The following STK36 variants were observed in gnomAD, a reference collection of about 807,000 sequenced individuals.
STK36 encodes serine/threonine kinase 36, also known as serine/threonine-protein kinase 36.
Under a neutral mutation model 142.2 loss-of-function variants are expected in STK36, and 116 were observed. That is an observed-to-expected ratio of 0.82 (90% confidence interval 0.70 to 0.95). STK36 has a LOEUF of 0.95. Ranked by LOEUF, STK36 falls within the 40% of genes least tolerant of loss-of-function variation. The pLI is 0.00. For missense variants in STK36, 1,422 were observed against 1,617.2 expected (o/e 0.88, Z 2.07); for synonymous variants, 619 against 641.7 (o/e 0.96, Z 0.53).
Position 218,679,935 on chromosome 2 carries a change from A to C in STK36, c.991A>C (p.Thr331Pro), listed in dbSNP as rs199608845. Residue 331 changes from threonine to proline, a missense_variant, in exon 9 of 27, where the codon ACC (threonine) becomes CCC (proline). Thr to Pro is a conservative substitution (Grantham distance 38). Transcript: ENST00000295709. ...TGPALEQEDK[T>P]SKVAPGTAPL... is the part of the protein sequence containing the mutation. ...ACCTGCCCTTGAGCAAGAGGACAAG[A>C]CCAGCAAGGTGGCTCCTGGCACAGC... 7.4e-5 allele frequency: 120 copies of C among 1,614,058 alleles called. No individual in the cohort carries two copies. Among genetic ancestry groups the C allele is most frequent in the Non-Finnish European group, 9.9e-5 (117 of 1,180,028 alleles).
intron 11 of STK36, 74 bp from the exon 12 acceptor site, chr2:218,688,623 G>T (rs562341604): frequency 6.6e-7 from 1 of 1,507,784 alleles, no homozygotes; most frequent in East Asian, 2.3e-5. Flanking sequence ...CCTTGGGGAT[G>T]CTTGGTATGT....
intron 12 of STK36, 102 bp from the exon 13 acceptor site, chr2:218,689,757 G>T (rs1575135034): frequency 9.8e-7 from 1 of 1,025,434 alleles, no homozygotes; most frequent in South Asian, 1.5e-5. Context: ...CTTTCTGTTT[G>T]ATCAACTTGA....
At chr2:218,690,612 C>T in intron 14 of STK36, 57 bp downstream of exon 14, 4 of 1,366,146 alleles carry the variant, frequency 2.9e-6, no homozygotes, top group Non-Finnish European at 3.1e-6. Flanking sequence ...GTGTTTCTCC[C>T]ATCCCCTTTC....
At position 218,701,896 on chromosome 2, in the gene STK36, C is replaced by CT; in HGVS notation, c.3836dup (p.Ser1280IlefsTer16). 1 of 1,614,168 alleles carries CT rather than the reference C, an allele frequency of 6.2e-7. No homozygotes were observed. The highest frequency in any genetic ancestry group is 1.3e-5 in the African/African-American group (1 of 75,050). On this transcript the variant is annotated frameshift_variant, in exon 27 of 27. Coordinates refer to ENST00000295709, the MANE Select transcript of STK36 (RefSeq NM_015690.5). LOFTEE classifies it high-confidence loss of function. ...GGTGTCCCTGGGTGCCAGTGAGAAA[C>CT]TATCCTTGCTCTCTCTGGGGAATCA...
At chr2:218,678,643 C>T (rs145780436) in intron 6 of STK36, among the ~76,000 whole-genome samples, 67 of 152,310 alleles carry the variant, frequency 4.4e-4, no homozygotes, top group Admixed American at 5.9e-4. Flanking sequence ...GACTGTCTCC[C>T]TATCTCTCCA....
At position 218,675,445 on chromosome 2, in the gene STK36, G is replaced by T. The variant is rs755081647; in HGVS notation, c.406G>T (p.Gly136Cys). ...GCCTCAGAACATCCTCCTCGCCAAG[G>T]GTGGTGGCATCAAGCTCTGTGACTT... ...MKPQNILLAK[G>C]GGIKLCDFGF... The change falls in exon 5 of 27, where the codon GGT (glycine) becomes TGT (cysteine). Residue 136 changes from glycine (G) to cysteine (C), a missense_variant. Coordinates refer to ENST00000295709, the MANE Select transcript of STK36 (RefSeq NM_015690.5). 3.1e-6 allele frequency: 5 copies of T among 1,613,110 alleles called. No individual in the cohort carries two copies. In the South Asian group the frequency reaches 5.5e-5, roughly 18 times the overall value.
chr2:218,689,480 A>C (rs548915822), intron 12 of STK36, among the ~76,000 whole-genome samples: 59 of 152,340 alleles, frequency 3.9e-4, no homozygotes, highest in Non-Finnish European at 7.3e-4. Flanking sequence ...AGCTGGACTG[A>C]GAGGATGGGG....
Position 218,688,397 on chromosome 2 carries a change from G to A in STK36, c.1381-300G>A, listed in dbSNP as rs187987883. On this transcript the variant is annotated intron_variant, in intron 11 of 26. Coordinates refer to ENST00000295709, the MANE Select transcript of STK36 (RefSeq NM_015690.5). The stretch of plus-strand genomic sequence containing the variant: ...CGTGTTTTTTGTTTTTAAGGTGAAG[G>A]GCTGGAGAAGGGAGGGAGCAGATGG... 2,159 of 547,754 alleles carry A rather than the reference G, an allele frequency of 3.9e-3. 16 individuals carry two copies. The highest frequency in any genetic ancestry group is 5.8e-3 in the Non-Finnish European group (1,657 of 286,616). 33.9% of individuals were successfully genotyped at this position (547,754 alleles called of 1,614,324 possible).
chr2:218,699,504 C>T (rs530321180), intron 26 of STK36, among the ~76,000 whole-genome samples, 156 bp downstream of exon 26: 7 of 135,606 alleles, frequency 5.2e-5, no homozygotes, highest in African/African-American at 2.7e-4. Context: ...TTTCTAGTTA[C>T]ATCTCCTGCC....
intron 25 of STK36, 52 bp from the exon 26 acceptor site, chr2:218,698,550 A>G: frequency 1.4e-5 from 22 of 1,567,882 alleles, no homozygotes; most frequent in Non-Finnish European, 1.9e-5. Flanking sequence ...GCTTCTTTAT[A>G]GCTGCATATA....
Position 218,702,102 on chromosome 2 carries a change from A to C in STK36, c.*93A>C. ...GCCAACTCAACTGAGAGCTAAAGAGACTAGAAAAGAGATAAGCTGCCAACT... is the reference window on the plus strand; with the variant it reads ...GCCAACTCAACTGAGAGCTAAAGAGCCTAGAAAAGAGATAAGCTGCCAACT... On this transcript the variant is annotated 3_prime_UTR_variant, in exon 27 of 27. Coordinates refer to ENST00000295709, the MANE Select transcript of STK36 (RefSeq NM_015690.5). 6.8e-7 allele frequency: 1 copy of C among 1,470,986 alleles called. No homozygotes were observed. Among genetic ancestry groups the C allele is most frequent in the Non-Finnish European group, 9.1e-7 (1 of 1,097,660 alleles). The allele number at this position is 1,470,986 out of a possible 1,614,324, so 91.1% of individuals were successfully genotyped here. A position where few individuals can be genotyped will look rare whatever the true frequency, so the allele number is the denominator to read the frequency against.
chr2:218,701,307 A>ATT (rs760265629), intron 26 of STK36, among the ~76,000 whole-genome samples: 4 of 137,080 alleles, frequency 2.9e-5, no homozygotes, highest in African/African-American at 7.8e-5. Context: ...AATTTTTTGT[A>ATT]TTTTTTTTTT....
intron 5 of STK36, 47 bp downstream of exon 5, chr2:218,675,520 CTTTTTTTTTTTT>C: frequency 4.4e-6 from 5 of 1,147,712 alleles, no homozygotes; most frequent in African/African-American, 2.0e-5. Context: ...CACACGGAAT[CTTTTTTTTTTTT>C]TTTTTTTTTG....
chr2:218,696,715 C>T, intron 22 of STK36, 114 bp downstream of exon 22: 1 of 1,167,962 alleles, frequency 8.6e-7, no homozygotes, highest in South Asian at 1.2e-5. Context: ...TCTCAAGCTA[C>T]TGTGCCTGTG....
chr2:218,693,668 CT>C, intron 17 of STK36, 54 bp from the exon 18 acceptor site: 1 of 1,536,420 alleles, frequency 6.5e-7, no homozygotes, highest in Non-Finnish European at 8.9e-7. Context: ...AGCCTTCAAT[CT>C]TGGAGCCCGG....
chr2:218,673,746 G>A lies in STK36; in HGVS notation c.206G>A (p.Ser69Asn), dbSNP rs767714293. Residue 69 changes from serine to asparagine, a missense_variant, in exon 3 of 27, where the codon AGC becomes AAC. This residue lies in a region of STK36 where 460 missense variants were observed against 449.6 expected (regional missense o/e 1.02). Transcript: ENST00000295709. ...RHPNIVHMLD[S>N]FETDKEVVVV... ...CCCAACATTGTGCATATGCTTGACA[G>A]CTTTGAAACTGATAAAGAGGTGTGC... 1.2e-6 allele frequency: 2 copies of A among 1,614,054 alleles called. No homozygotes were observed. Among genetic ancestry groups the A allele is most frequent in the South Asian group, 1.1e-5 (1 of 91,030 alleles).
chr2:218,697,435 A>G, intron 23 of STK36, 28 bp from the exon 24 acceptor site: 1 of 1,612,620 alleles, frequency 6.2e-7, no homozygotes, highest in Non-Finnish European at 8.5e-7. Flanking sequence ...TGCCTGTTCC[A>G]TTGGGTCTCC....
intron 14 of STK36, among the ~76,000 whole-genome samples, chr2:218,691,333 C>T (rs758907946): frequency 6.6e-6 from 1 of 152,188 alleles, no homozygotes; most frequent in Non-Finnish European, 1.5e-5. Context: ...TTCACTCAGA[C>T]TTTCCTGGTC....
chr2:218,692,933 A>G (rs1343162234), intron 16 of STK36, among the ~76,000 whole-genome samples: 1 of 152,238 alleles, frequency 6.6e-6, no homozygotes, highest in Non-Finnish European at 1.5e-5. Context: ...TAAACTGCCC[A>G]GATGGTGGGG....
Sources: allele counts gnomAD v4.1 joint callset (sites outside exome capture counted in the v4.1 genomes callset), GRCh38; gene constraint gnomAD v4.1.1; regional missense constraint gnomAD v4.1.1; transcripts MANE v1.5; gene names NCBI Gene and HGNC (gene_info 2026-07-23, HGNC 2026-07-21).